CEP192: variants seen among roughly 807,000 people sequenced by gnomAD.
The protein encoded by CEP192 is centrosomal protein of 192 kDa.
A neutral mutation model predicts 271.8 loss-of-function variants in CEP192; 151 were observed. The ratio of observed to expected loss-of-function variants is 0.56; its 90% confidence interval spans 0.49 to 0.64. CEP192 has a LOEUF of 0.64. Ranked by LOEUF, CEP192 falls within the 30% of genes least tolerant of loss-of-function variation. CEP192 has a pLI of 0.00. For missense variants in CEP192, 2,910 were observed against 3,020.5 expected (o/e 0.96, Z 0.86); for synonymous variants, 995 against 1,076.5 (o/e 0.92, Z 1.48).
chr18:13,000,580 A>T (rs1401024149), intron 2 of CEP192: 1 of 152,114 alleles, frequency 6.6e-6, no homozygotes, highest in Admixed American at 6.5e-5. Context: ...CCAGCTTTCA[A>T]TCTGTCCTAG....
chr18:13,095,114 C>T (rs1008786592), intron 34 of CEP192, among the ~76,000 whole-genome samples: 4 of 152,170 alleles, frequency 2.6e-5, no homozygotes, highest in Admixed American at 6.5e-5. Context: ...TCTCCTGCCT[C>T]GGCCTTCCTG....
chr18:13,018,525 A>G lies in CEP192; in HGVS notation c.835A>G (p.Asn279Asp), dbSNP rs1211292731. ...SLNCKFQSEN[N>D]SSLISLDSHS... ...AAACTGCAAGTTTCAATCAGAAAAT[A>G]ACAGCTCTCTGATTTCCCTCGACTC... Residue 279 changes from asparagine (N) to aspartate (D), a missense_variant, in exon 8 of 45, where the codon AAC becomes GAC. Transcript: ENST00000506447. The G allele has an allele frequency of 6.5e-7, 1 of 1,539,964 alleles. No homozygotes were observed.
At chr18:13,077,345 CATTTTGG>C (rs1397913670) in intron 30 of CEP192, among the ~76,000 whole-genome samples, 1 of 152,086 alleles carries the variant, frequency 6.6e-6, no homozygotes, top group Non-Finnish European at 1.5e-5. Context: ...CTCTTTGGAG[CATTTTGG>C]ATTTTGGATT....
intron 3 of CEP192, among the ~76,000 whole-genome samples, chr18:13,005,713 T>G (rs1029191317): frequency 6.6e-6 from 1 of 152,236 alleles, no homozygotes. Flanking sequence ...GACACTATAC[T>G]GGAGGGTCAG....
Position 13,055,829 on chromosome 18 carries a change from C to T in CEP192, c.3239C>T (p.Ala1080Val), listed in dbSNP as rs943191806. Residue 1080 changes from alanine (A) to valine (V), a missense_variant, in exon 19 of 45, where the codon GCC (alanine) becomes GTC (valine). Physicochemically the swap from Ala to Val is moderately conservative, Grantham distance 64 (BLOSUM62 0). Coordinates refer to ENST00000506447, the MANE Select transcript of CEP192 (RefSeq NM_032142.4). ...ACCACAATTATTCAAGGCAGTCCAGCCGCATTGGAGGAACGGGCTATGGAA... is the reference window on the plus strand; with the variant it reads ...ACCACAATTATTCAAGGCAGTCCAGTCGCATTGGAGGAACGGGCTATGGAA... ...LSTTIIQGSP[A>V]ALEERAMEKL... 1 of 1,607,096 alleles carries T rather than the reference C, an allele frequency of 6.2e-7. No homozygotes were observed. Among genetic ancestry groups the T allele is most frequent in the Non-Finnish European group, 8.5e-7 (1 of 1,177,196 alleles).
chr18:13,016,345 G>A (rs1489658806), intron 6 of CEP192, among the ~76,000 whole-genome samples: 3 of 152,106 alleles, frequency 2.0e-5, no homozygotes, highest in African/African-American at 4.8e-5. Flanking sequence ...AACAGCCAGG[G>A]GTTTTGTGTG....
chr18:13,073,504 T>G (rs1431034392), intron 30 of CEP192, among the ~76,000 whole-genome samples: 1 of 152,234 alleles, frequency 6.6e-6, no homozygotes, highest in African/African-American at 2.4e-5. Context: ...GATATTAACT[T>G]TCCCATTAAA....
At chr18:13,124,362 C>T in intron 44 of CEP192, 1 of 294,094 alleles carries the variant, frequency 3.4e-6, no homozygotes, top group Non-Finnish European at 6.4e-6. Context: ...ATAGTTTAGA[C>T]CTCTTATTTT....
In CEP192 at chr18:13,049,782, C is replaced by T. The variant is rs751064084; in HGVS notation, c.2908C>T (p.Pro970Ser). 1 of 1,613,660 alleles carries T rather than the reference C, an allele frequency of 6.2e-7. No homozygotes were observed. Among genetic ancestry groups the T allele is most frequent in the South Asian group, 1.1e-5 (1 of 90,974 alleles). Residue 970 changes from proline to serine, a missense_variant, in exon 17 of 45, where the codon CCT becomes TCT. Coordinates refer to ENST00000506447, the MANE Select transcript of CEP192 (RefSeq NM_032142.4). ...PKNSDLKNTS[P>S]EHGGRGSEDE... ...TCTGATAGATTTGAAAAATACCTCT[C>T]CTGAGCATGGTGGACGTGGCTCAGA...
chr18:13,050,227 C>G (rs925535656), intron 17 of CEP192, among the ~76,000 whole-genome samples: 1 of 152,098 alleles, frequency 6.6e-6, no homozygotes, highest in African/African-American at 2.4e-5. Flanking sequence ...TAACTTTGTT[C>G]ATAAAATTTT....
intron 9 of CEP192, among the ~76,000 whole-genome samples, chr18:13,024,686 C>T (rs1599102722): frequency 1.3e-5 from 2 of 152,112 alleles, no homozygotes; most frequent in South Asian, 4.1e-4. Flanking sequence ...TGGTCTTGAT[C>T]TCCTGACCTC....
rs749609809 is a variant in CEP192 at position 13,049,930 on chromosome 18, C to T, written c.3017+39C>T. On this transcript the variant is annotated intron_variant, in intron 17 of 44. Transcript: ENST00000506447. The stretch of plus-strand genomic sequence containing the variant: ...TTCTTTTTTAAAAAATAAAAATATG[C>T]GTTCAGTATAGGAACTGGGAAAAAA... The T allele has an allele frequency of 3.4e-5, 52 of 1,546,406 alleles. 1 individual carries two copies. The Admixed American group carries it at 7.3e-4, about 22-fold the overall frequency.
chr18:13,012,572 G>A (rs2145909615), intron 4 of CEP192, among the ~76,000 whole-genome samples: 1 of 152,208 alleles, frequency 6.6e-6, no homozygotes, highest in South Asian at 2.1e-4. Flanking sequence ...GAGAGGTTTT[G>A]TTATGCTGCA....
intron 17 of CEP192, among the ~76,000 whole-genome samples, chr18:13,051,852 C>CT (rs35962958): frequency 6.6e-6 from 1 of 152,200 alleles, no homozygotes; most frequent in Non-Finnish European, 1.5e-5. Flanking sequence ...CAATTTGGGA[C>CT]TTTTTAAAAG....
rs1164737929 is a variant in CEP192, at chr18:13,068,185, T to C, written c.4706T>C (p.Leu1569Pro). The change falls in exon 23 of 45, where the codon CTA becomes CCA. Residue 1569 changes from leucine to proline, a missense_variant. Coordinates refer to ENST00000506447, the MANE Select transcript of CEP192 (RefSeq NM_032142.4). The part of the protein sequence containing the change: ...VAPCADVVTR[L>P]AGPSVVNHMM... The stretch of plus-strand genomic sequence containing the variant: ...CCTTGCGCTGATGTGGTCACTCGGC[T>C]AGCAGGCCCTTCTGTGGTCAACCAC... 6.2e-7 allele frequency: 1 copy of C among 1,614,158 alleles called. No homozygotes were observed. Among genetic ancestry groups the C allele is most frequent in the African/African-American group, 1.3e-5 (1 of 74,958 alleles).
intron 30 of CEP192, among the ~76,000 whole-genome samples, chr18:13,082,949 C>T (rs1161914593): frequency 6.6e-6 from 1 of 152,172 alleles, no homozygotes; most frequent in Admixed American, 6.5e-5. Flanking sequence ...AATATTGGCC[C>T]CCACTCTGTT....
intron 1 of CEP192, among the ~76,000 whole-genome samples, chr18:12,993,582 A>G (rs994270892): frequency 6.6e-6 from 1 of 152,202 alleles, no homozygotes; most frequent in Admixed American, 6.5e-5. Context: ...TTTTGGGCTC[A>G]TGCTGTCCTT....
rs1197601169 is a variant in CEP192 at position 13,073,241 on chromosome 18, A to G, written c.5616+56A>G. ...CTGGAGTTTATGCCATTTTATAACT[A>G]TTGGTTTAATGTTGTAAATTATACA... is the stretch of plus-strand genomic sequence containing the variant. On this transcript the variant is annotated intron_variant, in intron 30 of 44. Coordinates refer to ENST00000506447, the MANE Select transcript of CEP192 (RefSeq NM_032142.4). The G allele has an allele frequency of 4.9e-6, 7 of 1,415,064 alleles. No individual in the cohort carries two copies. The African/African-American group carries it at 5.7e-5, about 12-fold the overall frequency. The allele number at this position is 1,415,064 out of a possible 1,614,324, so 87.7% of individuals were successfully genotyped here.
chr18:13,085,094 G>C (rs904440200), intron 30 of CEP192, among the ~76,000 whole-genome samples: 2 of 151,906 alleles, frequency 1.3e-5, no homozygotes, highest in African/African-American at 4.8e-5. Flanking sequence ...CAAAGTGCTG[G>C]GATTACAGGT....
Sources: gnomAD v4.1 joint callset for allele counts (sites outside exome capture counted in the v4.1 genomes callset) on GRCh38, gnomAD v4.1.1 for gene constraint, MANE v1.5 for transcripts, NCBI Gene and HGNC (gene_info 2026-07-23, HGNC 2026-07-21) for gene names.